Variants in ATG4C observed in about 807,000 individuals in gnomAD.
ATG4C encodes cysteine protease ATG4C.
In ATG4C, 56 loss-of-function variants were observed where a neutral mutation model predicts 57.6. That is an observed-to-expected ratio of 0.97 (90% CI 0.78 to 1.21). The LOEUF (loss-of-function observed/expected upper bound fraction) is 1.21, where lower values mean the gene tolerates loss of function less well. Among genes scored for constraint, ATG4C ranks in the 50% most tolerant of loss-of-function variants. ATG4C has a pLI of 0.00. For missense variants in ATG4C, 595 were observed against 529.8 expected (o/e 1.12, Z -1.21); for synonymous variants, 157 against 174.1 (o/e 0.90, Z 0.78).
chr1:62,840,205 A>G (rs1318134385), intron 9 of ATG4C, among the ~76,000 whole-genome samples: 2 of 152,122 alleles, frequency 1.3e-5, no homozygotes, highest in African/African-American at 2.4e-5. Flanking sequence ...CCCAGGCTGA[A>G]GTGTAGTGGC....
chr1:62,846,067 T>C (rs1572163997), intron 10 of ATG4C, among the ~76,000 whole-genome samples: 1 of 152,154 alleles, frequency 6.6e-6, no homozygotes, highest in Non-Finnish European at 1.5e-5. Context: ...AAATTAATAG[T>C]TCATTAATAT....
chr1:62,784,940 A>G (rs74076986), intron 1 of ATG4C, among the ~76,000 whole-genome samples: 2,771 of 152,276 alleles, frequency 0.018, 88 homozygotes, highest in African/African-American at 0.063. Context: ...ACTCAGCATC[A>G]CTGCTTATTG....
At chr1:62,846,219 G>C (rs527870934) in intron 10 of ATG4C, among the ~76,000 whole-genome samples, 1 of 152,148 alleles carries the variant, frequency 6.6e-6, no homozygotes, top group Non-Finnish European at 1.5e-5. Context: ...CATAAGAGAA[G>C]CATTTGATGT....
Position 62,841,450 on chromosome 1 carries a change from A to G in ATG4C, c.1112A>G (p.Lys371Arg), listed in dbSNP as rs138011372. 8.6e-4 allele frequency: 1,375 copies of G among 1,607,558 alleles called. 9 individuals carry two copies. The Middle Eastern group carries it at 0.012, about 14-fold the overall frequency. Residue 371 changes from lysine (K) to arginine (R), a missense_variant, in exon 10 of 11, where the codon AAA (lysine) becomes AGA (arginine). By Grantham distance (26) the Lys-to-Arg change is conservative. Coordinates refer to ENST00000317868, the MANE Select transcript of ATG4C (RefSeq NM_032852.4). The part of the protein sequence containing the change: ...PLETFHCPSP[K>R]KMSFRKMDPS... ...CAGACATTCCACTGCCCTTCTCCCA[A>G]AAAGATGTCTTTTCGAAAAATGGAT...
chr1:62,850,911 T>C lies in ATG4C; in HGVS notation c.1209+9364T>C, dbSNP rs868298793. ...ATATATATATATATATACATACACA[T>C]ACACACACATTCTGTTTAGTTATCT... On this transcript the variant is annotated intron_variant, in intron 10 of 10. Transcript: ENST00000317868. Among the ~76,000 whole-genome samples, 344 of 119,022 alleles carry C rather than the reference T, an allele frequency of 2.9e-3. 3 individuals carry two copies. Among genetic ancestry groups the C allele is most frequent in the African/African-American group, 8.9e-3 (310 of 34,878 alleles). 78.1% of individuals were successfully genotyped at this position (119,022 alleles called of 152,430 possible).
chr1:62,815,699 TTAGAAATGAGGATCTCACTA>T (rs1248334150), intron 3 of ATG4C, among the ~76,000 whole-genome samples: 2 of 152,178 alleles, frequency 1.3e-5, no homozygotes, highest in African/African-American at 2.4e-5. Context: ...TTATTTATTT[TTAGAAATGAGGATCTCACTA>T]TGTTGCCCAG....
At chr1:62,858,772 T>C (rs1666761910) in intron 10 of ATG4C, among the ~76,000 whole-genome samples, 1 of 152,152 alleles carries the variant, frequency 6.6e-6, no homozygotes, top group Admixed American at 6.5e-5. Flanking sequence ...AAAGTATTTT[T>C]TTAAGAGAGT....
At position 62,823,588 on chromosome 1, in the gene ATG4C, C is replaced by T. The variant is rs1331820501; in HGVS notation, c.796+2379C>T. On this transcript the variant is annotated intron_variant, in intron 6 of 10. Coordinates refer to ENST00000317868, the MANE Select transcript of ATG4C (RefSeq NM_032852.4). ...CTGATCATGTCCCTTTATCTACAAACCAATGACTGCCCATTAACTCCTAGT... is the reference window on the plus strand; with the variant it reads ...CTGATCATGTCCCTTTATCTACAAATCAATGACTGCCCATTAACTCCTAGT... Among the ~76,000 whole-genome samples, 5 of 152,186 alleles carry T rather than the reference C, an allele frequency of 3.3e-5. No homozygotes were observed. In the South Asian group the frequency reaches 1.0e-3, roughly 32 times the overall value.
At chr1:62,829,320 TA>T in intron 7 of ATG4C, 144 bp downstream of exon 7, 1 of 932,490 alleles carries the variant, frequency 1.1e-6, no homozygotes, top group Non-Finnish European at 1.6e-6. Flanking sequence ...TTAGAGATTT[TA>T]AATTTTGGTA....
At chr1:62,841,737 A>G (rs1342634599) in intron 10 of ATG4C, among the ~76,000 whole-genome samples, 190 bp downstream of exon 10, 1 of 152,180 alleles carries the variant, frequency 6.6e-6, no homozygotes, top group East Asian at 1.9e-4. Context: ...AATGAAATCT[A>G]GTGACAAGTT....
intron 10 of ATG4C, among the ~76,000 whole-genome samples, chr1:62,855,863 C>G (rs535774975): frequency 6.6e-6 from 1 of 152,184 alleles, no homozygotes; most frequent in Non-Finnish European, 1.5e-5. Context: ...TGTATAGTCT[C>G]CTATTTATAC....
chr1:62,799,872 AT>A (rs35368838), intron 1 of ATG4C, among the ~76,000 whole-genome samples: 242 of 141,316 alleles, frequency 1.7e-3, no homozygotes, highest in Middle Eastern at 7.2e-3. Context: ...CATTCTTTCT[AT>A]TTTTTTTTTT....
intron 9 of ATG4C, among the ~76,000 whole-genome samples, chr1:62,835,133 TG>T (rs1665958296): frequency 6.6e-6 from 1 of 151,582 alleles, no homozygotes; most frequent in Non-Finnish European, 1.5e-5. Context: ...CAAGTAATTT[TG>T]TATAGAGACA....
chr1:62,786,835 A>G (rs1367005817), intron 1 of ATG4C, among the ~76,000 whole-genome samples: 1 of 152,192 alleles, frequency 6.6e-6, no homozygotes, highest in Non-Finnish European at 1.5e-5. Context: ...TGTTACACAG[A>G]GGAAGAACTG....
chr1:62,844,948 G>A (rs1572162403), intron 10 of ATG4C, among the ~76,000 whole-genome samples: 1 of 151,898 alleles, frequency 6.6e-6, no homozygotes, highest in African/African-American at 2.4e-5. Context: ...GGTCCATTCT[G>A]TAATACACTC....
chr1:62,840,983 G>A (rs6683423), intron 9 of ATG4C, among the ~76,000 whole-genome samples: 95,494 of 152,098 alleles, frequency 0.63, 30,186 homozygotes, highest in African/African-American at 0.7. Flanking sequence ...ATTTACCTGA[G>A]TCTGTGTATT....
chr1:62,829,228 A>G, intron 7 of ATG4C, 52 bp downstream of exon 7: 1 of 1,590,192 alleles, frequency 6.3e-7, no homozygotes, highest in Non-Finnish European at 8.6e-7. Flanking sequence ...AATATGAAAA[A>G]TATAGAAGGT....
rs766187159 is a variant in ATG4C, at chr1:62,819,197, A to T, written c.587A>T (p.Tyr196Phe). The stretch of plus-strand genomic sequence containing the variant: ...GATCATGAAATGCGAAATGAAGTTT[A>T]TCATAGGAAAATCATCTCTTGGTTT... Reference protein sequence around the residue: ...SDDHEMRNEVYHRKIISWFGD... With the variant: ...SDDHEMRNEVFHRKIISWFGD... The change falls in exon 5 of 11, where the codon TAT (tyrosine) becomes TTT (phenylalanine). Residue 196 changes from tyrosine to phenylalanine, a missense_variant. By Grantham distance (22) the Tyr-to-Phe change is conservative (BLOSUM62 3). Transcript: ENST00000317868. The T allele has an allele frequency of 6.2e-7, 1 of 1,613,690 alleles. No homozygotes were observed. The highest frequency in any genetic ancestry group is 1.7e-5 in the Admixed American group (1 of 59,960).
chr1:62,841,503 C>G lies in ATG4C; in HGVS notation c.1165C>G (p.Arg389Gly). 1 of 1,605,964 alleles carries G rather than the reference C, an allele frequency of 6.2e-7. No individual in the cohort carries two copies. Among genetic ancestry groups the G allele is most frequent in the Non-Finnish European group, 8.5e-7 (1 of 1,175,668 alleles). Reference protein sequence around the residue: ...DPSCTIGFYCRNVQDFKRASE... With the variant: ...DPSCTIGFYCGNVQDFKRASE... ...CAGCTGTACAATAGGATTTTACTGT[C>G]GAAATGTTCAGGACTTCAAACGAGC... The change falls in exon 10 of 11, where the codon CGA becomes GGA. Residue 389 changes from arginine to glycine, a missense_variant. Arg to Gly is a moderately radical substitution (Grantham distance 125, BLOSUM62 -2). Coordinates refer to ENST00000317868, the MANE Select transcript of ATG4C (RefSeq NM_032852.4).
Sources: allele counts gnomAD v4.1 joint callset (sites outside exome capture counted in the v4.1 genomes callset), GRCh38; gene constraint gnomAD v4.1.1; transcripts MANE v1.5; gene names NCBI Gene and HGNC (gene_info 2026-07-23, HGNC 2026-07-21).